GPHN: variants seen among roughly 807,000 people sequenced by gnomAD.
GPHN encodes gephyrin.
Under a neutral mutation model 95.5 loss-of-function variants are expected in GPHN, and 17 were observed. That is an observed-to-expected ratio of 0.18 (90% confidence interval 0.12 to 0.27). The LOEUF is 0.27. Among genes scored for constraint, GPHN ranks in the 10% least tolerant of loss-of-function variants. The probability of loss-of-function intolerance (pLI) is 1.00; values close to 1 mark genes in which losing one functional copy is unlikely to be tolerated. For missense variants in GPHN, 660 were observed against 978.1 expected (o/e 0.67, Z 4.34); for synonymous variants, 320 against 322.5 (o/e 0.99, Z 0.08).
chr14:67,636,743 CAGGAG>C, the GPHN span, among the ~76,000 whole-genome samples: 3 of 152,120 alleles, frequency 2.0e-5, no homozygotes, highest in African/African-American at 7.2e-5. Context: ...TACCAGCACT[CAGGAG>C]AGAAGCAACA....
At chr14:67,665,438 AT>A in the GPHN span, among the ~76,000 whole-genome samples, 13 of 147,754 alleles carry the variant, frequency 8.8e-5, no homozygotes, top group African/African-American at 1.7e-4. Flanking sequence ...CACACAGCTA[AT>A]TTTTTTTTTG....
chr14:67,320,228 A>C, the GPHN span: 1 of 1,599,508 alleles, frequency 6.3e-7, no homozygotes, highest in East Asian at 2.2e-5. Flanking sequence ...TTTTTCCCAA[A>C]GATTATGACA....
the GPHN span, among the ~76,000 whole-genome samples, chr14:67,381,909 T>C: frequency 3.3e-5 from 5 of 152,296 alleles, no homozygotes; most frequent in East Asian, 3.9e-4. Context: ...TGGATGGAGA[T>C]TCCTATTGGT....
chr14:67,359,647 C>T, the GPHN span: 2 of 1,613,970 alleles, frequency 1.2e-6, no homozygotes, highest in Admixed American at 1.7e-5. Context: ...TTATCCCATT[C>T]CTTTACTTAC....
the GPHN span, among the ~76,000 whole-genome samples, chr14:67,527,369 C>T: frequency 4.6e-5 from 7 of 152,134 alleles, no homozygotes; most frequent in East Asian, 1.9e-4. Flanking sequence ...GCTCGGGAGC[C>T]GGAGGTTGCA....
At chr14:67,563,255 C>T in the GPHN span, among the ~76,000 whole-genome samples, 94 of 152,314 alleles carry the variant, frequency 6.2e-4, 1 homozygote, top group Non-Finnish European at 1.1e-3. Context: ...CTGTTAACTA[C>T]GTGACCTTGG....
the GPHN span, among the ~76,000 whole-genome samples, chr14:67,667,830 G>A: frequency 6.6e-6 from 1 of 152,158 alleles, no homozygotes; most frequent in East Asian, 1.9e-4. Context: ...TGTAGTCCCA[G>A]CTACTCGGGA....
At chr14:67,535,491 C>T in the GPHN span, among the ~76,000 whole-genome samples, 2 of 150,124 alleles carry the variant, frequency 1.3e-5, no homozygotes, top group African/African-American at 2.5e-5. Flanking sequence ...AGCAGTTCAC[C>T]TGCCTTAGCC....
chr14:67,369,335 G>A, the GPHN span, among the ~76,000 whole-genome samples: 1 of 152,206 alleles, frequency 6.6e-6, no homozygotes, highest in African/African-American at 2.4e-5. Context: ...TCATCACTGT[G>A]TATGTGCCTA....
At chr14:67,040,573 C>G (rs761620314) in intron 10 of GPHN, among the ~76,000 whole-genome samples, 1 of 152,108 alleles carries the variant, frequency 6.6e-6, no homozygotes, top group African/African-American at 2.4e-5. Context: ...ATCTGGGATT[C>G]AATCCAGAAT....
the GPHN span, chr14:67,581,045 A>C: frequency 2.5e-6 from 4 of 1,581,776 alleles, no homozygotes; most frequent in African/African-American, 5.4e-5. Flanking sequence ...ACAGGTCCTA[A>C]GCACTGCACG....
In GPHN at chr14:66,594,543, A is replaced by G. The variant is rs113792292; in HGVS notation, c.64+85952A>G. On this transcript the variant is annotated intron_variant, in intron 1 of 22. Coordinates refer to ENST00000478722, the MANE Select transcript of GPHN (RefSeq NM_020806.5). ...TTATCGCCAATTGATTGTTGATAAA[A>G]ACGCCAAGATCACACAATGGGGGAA... Among the ~76,000 whole-genome samples, 556 of 152,290 alleles carry G rather than the reference A, an allele frequency of 3.7e-3. 12 individuals carry two copies. Among genetic ancestry groups the G allele is most frequent in the African/African-American group, 0.013 (530 of 41,568 alleles).
chr14:67,284,708 T>A, the GPHN span, among the ~76,000 whole-genome samples: 2 of 151,858 alleles, frequency 1.3e-5, no homozygotes, highest in Admixed American at 1.3e-4. Context: ...TGGATTTGCT[T>A]ATTCTAGACA....
the GPHN span, among the ~76,000 whole-genome samples, chr14:67,644,108 T>C: frequency 6.6e-6 from 1 of 152,220 alleles, no homozygotes; most frequent in Non-Finnish European, 1.5e-5. Flanking sequence ...TGGCTATCTA[T>C]ATTGCAGCCA....
At chr14:66,668,641 G>A (rs1330016433) in intron 1 of GPHN, among the ~76,000 whole-genome samples, 2 of 152,102 alleles carry the variant, frequency 1.3e-5, no homozygotes, top group Non-Finnish European at 1.5e-5. Flanking sequence ...GAGGGTAGAA[G>A]GTGGGACGAG....
At chr14:66,774,722 T>C (rs921825875) in intron 2 of GPHN, among the ~76,000 whole-genome samples, 3 of 152,228 alleles carry the variant, frequency 2.0e-5, no homozygotes, top group African/African-American at 7.2e-5. Context: ...TTATATATGA[T>C]TTCCATAATT....
At chr14:66,948,619 A>G (rs1051390703) in intron 8 of GPHN, among the ~76,000 whole-genome samples, 3 of 152,194 alleles carry the variant, frequency 2.0e-5, no homozygotes, top group Non-Finnish European at 2.9e-5. Flanking sequence ...CACTGATAAA[A>G]CTTTTTTTTA....
At chr14:67,405,028 G>T in the GPHN span, among the ~76,000 whole-genome samples, 1 of 151,472 alleles carries the variant, frequency 6.6e-6, no homozygotes, top group Admixed American at 6.6e-5. Flanking sequence ...GAGGTCAGAA[G>T]TTCAAGACCA....
chr14:67,223,633 C>A, the GPHN span: 2 of 755,836 alleles, frequency 2.6e-6, no homozygotes, highest in Non-Finnish European at 3.2e-6. Context: ...GCACAACTTA[C>A]AAAATGGGCA....
Sources: allele counts gnomAD v4.1 joint callset (sites outside exome capture counted in the v4.1 genomes callset), GRCh38; gene constraint gnomAD v4.1.1; transcripts MANE v1.5; gene names NCBI Gene and HGNC (gene_info 2026-07-23, HGNC 2026-07-21).